Variants in EDNRB observed in about 807,000 individuals in gnomAD.
EDNRB encodes endothelin receptor type B.
EDNRB carries 18 observed loss-of-function variants against 46.4 expected under a neutral mutation model. The ratio of observed to expected loss-of-function variants is 0.39; its 90% confidence interval spans 0.27 to 0.57. The LOEUF is 0.57. Among genes scored for constraint, EDNRB ranks in the 20% least tolerant of loss-of-function variants. The probability of loss-of-function intolerance (pLI) is 0.61; values close to 1 mark genes in which losing one functional copy is unlikely to be tolerated. For synonymous variants in EDNRB, 213 were observed against 204.9 expected (o/e 1.04, Z -0.34); for missense variants, 434 against 537.5 (o/e 0.81, Z 1.90).
intron 1 of EDNRB, among the ~76,000 whole-genome samples, chr13:77,929,430 C>T (rs566030131): frequency 1.2e-4 from 19 of 152,258 alleles, no homozygotes; most frequent in African/African-American, 2.2e-4. Context: ...CATAATGTAA[C>T]GTATGTCCTC....
At chr13:77,915,686 A>G (rs1165413865) in intron 1 of EDNRB, among the ~76,000 whole-genome samples, 1 of 152,258 alleles carries the variant, frequency 6.6e-6, no homozygotes, top group Non-Finnish European at 1.5e-5. Context: ...ACTGGTAGCC[A>G]TTATTATGAT....
intron 1 of EDNRB, among the ~76,000 whole-genome samples, chr13:77,960,221 A>G (rs1394238177): frequency 6.6e-6 from 1 of 152,200 alleles, no homozygotes; most frequent in Non-Finnish European, 1.5e-5. Flanking sequence ...GAGCAACTCC[A>G]AGACACATAA....
chr13:77,918,030 C>A lies in EDNRB; in HGVS notation c.483+61G>T. The A allele has an allele frequency of 6.2e-7, 1 of 1,612,152 alleles. No individual in the cohort carries two copies. The highest frequency in any genetic ancestry group is 8.5e-7 in the Non-Finnish European group (1 of 1,179,852). ...GCTCCCTCTACAAGCTTTCTCATCT[C>A]CCCGTCTCCAACCAGGCCCCCTTCC... On this transcript the variant is annotated intron_variant, in intron 1 of 6. Transcript: ENST00000646607. The surrounding 1 kb of genome is among the most constrained non-coding windows in gnomAD (Gnocchi z 4.5).
intron 1 of EDNRB, among the ~76,000 whole-genome samples, chr13:77,975,015 A>C (rs1249291361): frequency 6.6e-6 from 1 of 152,214 alleles, no homozygotes; most frequent in Non-Finnish European, 1.5e-5. Context: ...AAAAGGGCAC[A>C]CACACACTTT....
At chr13:77,957,572 C>T (rs576684553) in intron 1 of EDNRB, among the ~76,000 whole-genome samples, 1 of 152,250 alleles carries the variant, frequency 6.6e-6, no homozygotes, top group East Asian at 1.9e-4. Context: ...AACAATAATA[C>T]CTATCCTAGA....
chr13:77,935,915 G>A (rs1880548201), intron 1 of EDNRB, among the ~76,000 whole-genome samples: 1 of 152,194 alleles, frequency 6.6e-6, no homozygotes, highest in Non-Finnish European at 1.5e-5. Context: ...TGATTGATAA[G>A]GCACAGATCC....
At chr13:77,908,917 G>A (rs1482819815) in intron 1 of EDNRB, among the ~76,000 whole-genome samples, 1 of 151,934 alleles carries the variant, frequency 6.6e-6, no homozygotes, top group East Asian at 1.9e-4. Flanking sequence ...TGAGCCAGTT[G>A]GCAATACTCA....
intron 1 of EDNRB, among the ~76,000 whole-genome samples, chr13:77,973,671 T>A (rs1201248296): frequency 6.6e-6 from 1 of 152,116 alleles, no homozygotes. Context: ...TATATTTTAC[T>A]TTTTTTATAT....
chr13:77,924,821 G>A (rs977462041), intron 1 of EDNRB, among the ~76,000 whole-genome samples: 4 of 152,110 alleles, frequency 2.6e-5, no homozygotes, highest in African/African-American at 4.8e-5. Context: ...TGGGTCTCAC[G>A]AGATCTGATG....
chr13:77,932,996 T>C (rs1880446777), intron 1 of EDNRB, among the ~76,000 whole-genome samples: 2 of 152,216 alleles, frequency 1.3e-5, no homozygotes, highest in Admixed American at 1.3e-4. Flanking sequence ...TGCCAAGCAT[T>C]AAAATATGCA....
intron 1 of EDNRB, among the ~76,000 whole-genome samples, chr13:77,972,947 A>G (rs1376603317): frequency 6.6e-6 from 1 of 152,160 alleles, no homozygotes; most frequent in Non-Finnish European, 1.5e-5. Context: ...GGTTAGCAGC[A>G]CAAAGTAGGG....
intron 1 of EDNRB, among the ~76,000 whole-genome samples, chr13:77,929,884 A>G (rs76714650): frequency 6.6e-6 from 1 of 152,354 alleles, no homozygotes; most frequent in African/African-American, 2.4e-5. Context: ...TTTGCAAATC[A>G]TTCAGTATAG....
At chr13:77,900,445 G>A in intron 5 of EDNRB, 76 bp downstream of exon 5, 1 of 1,593,976 alleles carries the variant, frequency 6.3e-7, no homozygotes, top group Non-Finnish European at 8.6e-7. Flanking sequence ...CTGTCTTTCT[G>A]CCTATAAAAA....
At chr13:77,927,778 C>T (rs1880277807) in intron 1 of EDNRB, among the ~76,000 whole-genome samples, 1 of 152,170 alleles carries the variant, frequency 6.6e-6, no homozygotes, top group African/African-American at 2.4e-5. Flanking sequence ...GTTCTTATTA[C>T]TCAGGTATTG....
intron 1 of EDNRB, among the ~76,000 whole-genome samples, chr13:77,963,941 C>T (rs1282377860): frequency 6.6e-6 from 1 of 152,068 alleles, no homozygotes; most frequent in African/African-American, 2.4e-5. Context: ...ACAAACAACC[C>T]CATCAAAAAC....
intron 1 of EDNRB, among the ~76,000 whole-genome samples, chr13:77,964,570 T>C (rs1881524418): frequency 6.6e-6 from 1 of 152,026 alleles, no homozygotes; most frequent in African/African-American, 2.4e-5. Flanking sequence ...TAGGTGGGAA[T>C]TGAATAATGA....
chr13:77,966,086 G>A (rs1881572590), intron 1 of EDNRB, among the ~76,000 whole-genome samples: 1 of 152,002 alleles, frequency 6.6e-6, no homozygotes, highest in African/African-American at 2.4e-5. Context: ...ATAGAGTCTT[G>A]CTATGTTCCC....
intron 1 of EDNRB, among the ~76,000 whole-genome samples, chr13:77,908,309 A>G (rs1354697411): frequency 6.6e-6 from 1 of 151,726 alleles, no homozygotes; most frequent in Non-Finnish European, 1.5e-5. Flanking sequence ...CCCACTATTG[A>G]TGCTCATCTC....
At chr13:77,963,393 A>C (rs1423603164) in intron 1 of EDNRB, among the ~76,000 whole-genome samples, 1 of 152,226 alleles carries the variant, frequency 6.6e-6, no homozygotes, top group African/African-American at 2.4e-5. Flanking sequence ...CAGTAACCAA[A>C]ACAGCATGGT....
Sources: gnomAD v4.1 joint callset for allele counts (sites outside exome capture counted in the v4.1 genomes callset) on GRCh38, gnomAD v4.1.1 for gene constraint, Gnocchi (gnomAD v3.1) non-coding constraint, MANE v1.5 for transcripts, NCBI Gene and HGNC (gene_info 2026-07-23, HGNC 2026-07-21) for gene names.